KHDRBS2: variants seen among roughly 807,000 people sequenced by gnomAD.
KHDRBS2 encodes the protein KH RNA binding domain containing, signal transduction associated 2.
A neutral mutation model predicts 44.3 loss-of-function variants in KHDRBS2; 26 were observed. The ratio of observed to expected loss-of-function variants is 0.59; its 90% CI spans 0.43 to 0.81. The LOEUF (loss-of-function observed/expected upper bound fraction) is 0.81, where lower values mean the gene tolerates loss of function less well. KHDRBS2 is among the 40% of genes least tolerant of loss of function. The pLI is 0.00. For synonymous variants in KHDRBS2, 194 were observed against 151.1 expected, an observed-to-expected ratio of 1.28 and a Z score of -2.08; for missense variants, 476 against 433.1, an observed-to-expected ratio of 1.10 and a Z score of -0.88.
At chr6:62,224,263 T>G (rs1237317103) in intron 1 of KHDRBS2, among the ~76,000 whole-genome samples, 1 of 152,130 alleles carries the variant, frequency 6.6e-6, no homozygotes, top group East Asian at 1.9e-4. Context: ...CATCAGATCT[T>G]GTGAGACGTA....
In KHDRBS2 at chr6:62,215,515, A is replaced by G. The variant is rs185682229; in HGVS notation, c.92-38203T>C. On this transcript the variant is annotated intron_variant, in intron 1 of 8. Coordinates refer to ENST00000281156, the MANE Select transcript of KHDRBS2 (RefSeq NM_152688.4). ...AAGTCATTGGAGGATCTTTCACATG[A>G]AAAGAAATAGGAGACATTGTGAAGA... Among the ~76,000 whole-genome samples the G allele has an allele frequency of 1.1e-3, 171 of 151,982 alleles. 1 individual carries two copies. Among genetic ancestry groups the G allele is most frequent in the African/African-American group, 3.9e-3 (164 of 41,540 alleles).
At chr6:61,904,439 A>G (rs1804599295) in intron 4 of KHDRBS2, among the ~76,000 whole-genome samples, 1 of 152,224 alleles carries the variant, frequency 6.6e-6, no homozygotes, top group Non-Finnish European at 1.5e-5. Context: ...GAGCTTAGCT[A>G]GAGGGCTATA....
chr6:62,145,402 T>A (rs1176570376), intron 2 of KHDRBS2, among the ~76,000 whole-genome samples: 8 of 151,854 alleles, frequency 5.3e-5, no homozygotes, highest in African/African-American at 1.9e-4. Context: ...TTAATGCATT[T>A]CTAATAATTT....
chr6:61,785,041 C>G (rs1783567979), intron 6 of KHDRBS2, among the ~76,000 whole-genome samples: 2 of 151,784 alleles, frequency 1.3e-5, no homozygotes, highest in Non-Finnish European at 1.5e-5. Flanking sequence ...CCCCGCTACT[C>G]AAGAGGCTGA....
chr6:61,602,129 T>G, the KHDRBS2 span, among the ~76,000 whole-genome samples: 1 of 152,146 alleles, frequency 6.6e-6, no homozygotes, highest in Non-Finnish European at 1.5e-5. Flanking sequence ...CTCCCAATAT[T>G]AAACAAAGCT....
intron 2 of KHDRBS2, among the ~76,000 whole-genome samples, chr6:62,110,465 C>T (rs567294590): frequency 2.0e-5 from 3 of 151,888 alleles, no homozygotes; most frequent in African/African-American, 7.3e-5. Flanking sequence ...CATCAATGAA[C>T]AAAGAACCTG....
intron 6 of KHDRBS2, among the ~76,000 whole-genome samples, chr6:61,822,689 C>T (rs1317399601): frequency 1.3e-5 from 2 of 151,842 alleles, no homozygotes; most frequent in South Asian, 2.1e-4. Flanking sequence ...TTTCTATTCC[C>T]TACTCTAGGC....
At chr6:61,728,416 A>G (rs948741085) in intron 7 of KHDRBS2, among the ~76,000 whole-genome samples, 1 of 152,076 alleles carries the variant, frequency 6.6e-6, no homozygotes, top group African/African-American at 2.4e-5. Flanking sequence ...AATACACCTG[A>G]ACATCCTGCA....
At chr6:61,934,484 G>A (rs187555704) in intron 4 of KHDRBS2, among the ~76,000 whole-genome samples, 14 of 152,234 alleles carry the variant, frequency 9.2e-5, no homozygotes, top group African/African-American at 3.1e-4. Flanking sequence ...TGCATTGTCA[G>A]TCTAGGATAC....
chr6:62,132,553 C>T (rs1314901537), intron 2 of KHDRBS2, among the ~76,000 whole-genome samples: 2 of 152,126 alleles, frequency 1.3e-5, no homozygotes, highest in African/African-American at 4.8e-5. Flanking sequence ...TAATCACCTG[C>T]AAGCAGCTAC....
At chr6:61,864,366 G>T (rs1427642899) in intron 6 of KHDRBS2, among the ~76,000 whole-genome samples, 1 of 152,270 alleles carries the variant, frequency 6.6e-6, no homozygotes, top group Admixed American at 6.5e-5. Flanking sequence ...TGGCTTCATA[G>T]TGTCACTGGT....
chr6:62,244,916 G>C (rs543878490), intron 1 of KHDRBS2, among the ~76,000 whole-genome samples: 1 of 151,984 alleles, frequency 6.6e-6, no homozygotes, highest in Non-Finnish European at 1.5e-5. Flanking sequence ...CACAACCTCA[G>C]GGCTGTGGTA....
At chr6:61,607,980 G>GC in the KHDRBS2 span, among the ~76,000 whole-genome samples, 2 of 152,278 alleles carry the variant, frequency 1.3e-5, no homozygotes, top group South Asian at 4.1e-4. Context: ...GAGACACCAT[G>GC]CCCGGCCTAG....
intron 6 of KHDRBS2, among the ~76,000 whole-genome samples, chr6:61,839,104 T>A (rs1213089051): frequency 1.3e-5 from 2 of 152,046 alleles, no homozygotes; most frequent in Non-Finnish European, 2.9e-5. Flanking sequence ...ATCTTCTAGA[T>A]CTCATTTTAT....
At chr6:62,229,364 C>T (rs1832498048) in intron 1 of KHDRBS2, among the ~76,000 whole-genome samples, 1 of 152,132 alleles carries the variant, frequency 6.6e-6, no homozygotes, top group African/African-American at 2.4e-5. Flanking sequence ...TCCCAGGCTT[C>T]AGTAGGGGAA....
At chr6:62,283,371 A>C (rs1842061616) in intron 1 of KHDRBS2, among the ~76,000 whole-genome samples, 1 of 151,910 alleles carries the variant, frequency 6.6e-6, no homozygotes, top group African/African-American at 2.4e-5. Context: ...TCAATTGAGC[A>C]CTGATTTGCC....
chr6:61,727,786 A>T (rs1416202173), intron 7 of KHDRBS2, among the ~76,000 whole-genome samples: 3 of 151,910 alleles, frequency 2.0e-5, no homozygotes, highest in African/African-American at 7.2e-5. Context: ...CATGCTCGTG[A>T]AGTTGCAGGC....
At chr6:62,198,223 T>G (rs563736517) in intron 1 of KHDRBS2, among the ~76,000 whole-genome samples, 2 of 151,734 alleles carry the variant, frequency 1.3e-5, no homozygotes, top group East Asian at 1.9e-4. Flanking sequence ...CCGAAGGCAA[T>G]AAATAACTAA....
intron 6 of KHDRBS2, among the ~76,000 whole-genome samples, chr6:61,853,186 C>A (rs1795698806): frequency 6.6e-6 from 1 of 152,172 alleles, no homozygotes; most frequent in South Asian, 2.1e-4. Context: ...TTCCTGTTCT[C>A]TGCTTCTTGG....
Sources: gnomAD v4.1 joint callset for allele counts (sites outside exome capture counted in the v4.1 genomes callset) on GRCh38, gnomAD v4.1.1 for gene constraint, MANE v1.5 for transcripts, NCBI Gene and HGNC (gene_info 2026-07-23, HGNC 2026-07-21) for gene names.